CTR9: variants seen among roughly 807,000 people sequenced by gnomAD.
CTR9 encodes the protein CTR9 component of Paf1/RNA polymerase II complex, also known as RNA polymerase-associated protein CTR9 homolog.
CTR9 carries 41 observed loss-of-function variants against 152.1 expected under a neutral mutation model. That is an observed-to-expected ratio of 0.27 (90% CI 0.21 to 0.35). The LOEUF is 0.35. Ranked by LOEUF, CTR9 falls within the 10% of genes least tolerant of loss-of-function variation. The pLI is 1.00. For missense variants in CTR9, 917 were observed against 1,424.4 expected (o/e 0.64, Z 5.73); for synonymous variants, 476 against 496.2 (o/e 0.96, Z 0.54).
chr11:10,770,101 G>GT, intron 16 of CTR9, 109 bp from the exon 17 acceptor site: 1 of 689,846 alleles, frequency 1.4e-6, no homozygotes, highest in South Asian at 2.2e-5. Flanking sequence ...CATTCAAAGG[G>GT]TAAAACACCT....
intron 5 of CTR9, 54 bp from the exon 6 acceptor site, chr11:10,760,119 A>T: frequency 6.3e-7 from 1 of 1,590,178 alleles, no homozygotes; most frequent in Non-Finnish European, 8.6e-7. Flanking sequence ...CATTTTTGTA[A>T]TTGAACTCTA....
In CTR9 at chr11:10,755,127, A is replaced by G; in HGVS notation, c.314A>G (p.Asn105Ser). 1.2e-6 allele frequency: 2 copies of G among 1,614,026 alleles called. No individual in the cohort carries two copies. The stretch of plus-strand genomic sequence containing the variant: ...GCTCGGAAAGAAAAGAATAAGGACA[A>G]TAAAAAGGATCTTATTACACAGGCC... ...QQARKEKNKD[N>S]KKDLITQATL... is the part of the protein sequence containing the mutation. Residue 105 changes from asparagine to serine, a missense_variant, in exon 3 of 25, where the codon AAT becomes AGT. Transcript: ENST00000361367.
Position 10,763,714 on chromosome 11 carries a change from A to G in CTR9, c.1029A>G (p.Pro343=), listed in dbSNP as rs759360920. ...TQFASSSFVL[P]FFGLGQMYIY... ...TTGCCTCATCCTCTTTTGTGCTCCC[A>G]TTTTTTGGTTTGGGACAAATGTATA... is the stretch of plus-strand genomic sequence containing the variant. The change falls in exon 9 of 25, where the codon CCA becomes CCG. Residue 343 remains proline (P), a synonymous_variant. Transcript: ENST00000361367. 3 of 1,613,788 alleles carry G rather than the reference A, an allele frequency of 1.9e-6. No homozygotes were observed. Among genetic ancestry groups the G allele is most frequent in the African/African-American group, 2.7e-5 (2 of 74,846 alleles).
In CTR9 at chr11:10,766,436, G is replaced by A; in HGVS notation, c.1632G>A (p.Lys544=). 1 of 1,610,862 alleles carries A rather than the reference G, an allele frequency of 6.2e-7. No individual in the cohort carries two copies. Reference sequence around the variant, plus strand: ...GCCTAGGAGCCATGGCTAGAGATAAGGGAAACTTTTATGAGGCTTCAGATT... The same window carrying A: ...GCCTAGGAGCCATGGCTAGAGATAAAGGAAACTTTTATGAGGCTTCAGATT... The part of the protein sequence containing the change: ...YLRLGAMARD[K]GNFYEASDWF... The change falls in exon 13 of 25, where the codon AAG becomes AAA. Residue 544 remains lysine, a synonymous_variant. Transcript: ENST00000361367.
intron 24 of CTR9, among the ~76,000 whole-genome samples, chr11:10,778,334 G>C: frequency 6.6e-6 from 1 of 152,188 alleles, no homozygotes; most frequent in East Asian, 1.9e-4. Context: ...TGTGTACAGA[G>C]ATAAACAAAT....
intron 7 of CTR9, among the ~76,000 whole-genome samples, chr11:10,763,193 T>G (rs1863004601): frequency 6.9e-6 from 1 of 145,466 alleles, no homozygotes; most frequent in Admixed American, 6.7e-5. Context: ...GCACTGTGGT[T>G]AATAGTTATG....
At chr11:10,766,887 C>G (rs575885712) in intron 13 of CTR9, among the ~76,000 whole-genome samples, 2 of 152,280 alleles carry the variant, frequency 1.3e-5, no homozygotes, top group South Asian at 4.1e-4. Context: ...CTATGGTCAT[C>G]TAAACGTTTT....
rs1439886086 is a variant in CTR9 at position 10,755,329 on chromosome 11, AG to A, written c.384+134del. On this transcript the variant is annotated intron_variant, in intron 3 of 24. Transcript: ENST00000361367. ...TGGTTGATAGAGTCAAAAAGAAGAA[AG>A]GTTCCTCATTAAAATCGGAATGCTT... 3 of 1,098,922 alleles carry A rather than the reference AG, an allele frequency of 2.7e-6. 1 individual carries two copies. In the Admixed American group the frequency reaches 7.4e-5, roughly 27 times the overall value. The allele number at this position is 1,098,922 out of a possible 1,614,324, so 68.1% of individuals were successfully genotyped here. A position where few individuals can be genotyped will look rare whatever the true frequency, so the allele number is the denominator to read the frequency against.
At chr11:10,771,081 T>G (rs765780420) in intron 18 of CTR9, among the ~76,000 whole-genome samples, 1 of 152,236 alleles carries the variant, frequency 6.6e-6, no homozygotes, top group African/African-American at 2.4e-5. Flanking sequence ...AAATAATGCT[T>G]AATAGTTTTA....
intron 24 of CTR9, 39 bp from the exon 25 acceptor site, chr11:10,778,640 C>T (rs757215748): frequency 6.3e-7 from 1 of 1,577,622 alleles, no homozygotes; most frequent in Non-Finnish European, 8.6e-7. Flanking sequence ...CCCAGTTAGC[C>T]AGAATCCTCA....
At chr11:10,758,932 C>G (rs892477789) in intron 5 of CTR9, among the ~76,000 whole-genome samples, 1 of 152,184 alleles carries the variant, frequency 6.6e-6, no homozygotes, top group Non-Finnish European at 1.5e-5. Context: ...TTGGAAAATG[C>G]TGATATCATT....
chr11:10,775,338 G>A (rs1288519334), intron 23 of CTR9, 35 bp downstream of exon 23: 1 of 1,568,992 alleles, frequency 6.4e-7, no homozygotes. Flanking sequence ...CTGTCCCCTA[G>A]TAGATGTGAA....
chr11:10,766,143 T>C (rs930898303), intron 12 of CTR9, among the ~76,000 whole-genome samples: 1 of 152,228 alleles, frequency 6.6e-6, no homozygotes, highest in Non-Finnish European at 1.5e-5. Flanking sequence ...TAGCTTGAGA[T>C]AAGGACTTGG....
Position 10,767,670 on chromosome 11 carries a change from G to T in CTR9, c.1687-136G>T. 4.2e-6 allele frequency: 3 copies of T among 718,162 alleles called. No individual in the cohort carries two copies. The highest frequency in any genetic ancestry group is 6.7e-6 in the Non-Finnish European group (3 of 446,922). The allele number at this position is 718,162 out of a possible 1,614,324, so 44.5% of individuals were successfully genotyped here. ...TTGGATTGCCATGCAAAAAAAAAAAGAAAGAAAGAAAAGAAAGAAAACCAC... is the reference window on the plus strand; with the variant it reads ...TTGGATTGCCATGCAAAAAAAAAAATAAAGAAAGAAAAGAAAGAAAACCAC... On this transcript the variant is annotated intron_variant, in intron 13 of 24. Transcript: ENST00000361367. The surrounding 1 kb of genome is among the most constrained non-coding windows in gnomAD (Gnocchi z 4.0).
At position 10,764,447 on chromosome 11, in the gene CTR9, A is replaced by T; in HGVS notation, c.1413+11A>T. Reference sequence around the variant, plus strand: ...CTAGGGGAGGCTAAGGTAGGAAAATAGAAATATTTCCTTCTTTTATACTGA... The same window carrying T: ...CTAGGGGAGGCTAAGGTAGGAAAATTGAAATATTTCCTTCTTTTATACTGA... On this transcript the variant is annotated intron_variant, in intron 11 of 24. Transcript: ENST00000361367. The T allele has an allele frequency of 4.4e-6, 7 of 1,605,404 alleles. No homozygotes were observed. Among genetic ancestry groups the T allele is most frequent in the Non-Finnish European group, 5.1e-6 (6 of 1,177,608 alleles).
chr11:10,766,383 C>A lies in CTR9; in HGVS notation c.1598-19C>A. 1 of 1,578,456 alleles carries A rather than the reference C, an allele frequency of 6.3e-7. No individual in the cohort carries two copies. The highest frequency in any genetic ancestry group is 1.4e-5 in the African/African-American group (1 of 73,280). ...ATAGCTAATATTTGGGATATAAAAA[C>A]TTTTAAATATGTTTTCAGGCTATTT... On this transcript the variant is annotated intron_variant, in intron 12 of 24. Coordinates refer to ENST00000361367, the MANE Select transcript of CTR9 (RefSeq NM_014633.5).
intron 18 of CTR9, among the ~76,000 whole-genome samples, chr11:10,770,894 T>C (rs761829206): frequency 8.5e-5 from 13 of 152,236 alleles, no homozygotes; most frequent in Admixed American, 6.5e-5. Flanking sequence ...CCTCTAGAAC[T>C]GGCTGGCTAG....
At position 10,767,717 on chromosome 11, in the gene CTR9, C is replaced by A; in HGVS notation, c.1687-89C>A. The A allele has an allele frequency of 8.8e-7, 1 of 1,130,904 alleles. No individual in the cohort carries two copies. Among genetic ancestry groups the A allele is most frequent in the South Asian group, 1.5e-5 (1 of 68,804 alleles). The allele number at this position is 1,130,904 out of a possible 1,614,324, so 70.1% of individuals were successfully genotyped here. A position where few individuals can be genotyped will look rare whatever the true frequency, so the allele number is the denominator to read the frequency against. The stretch of plus-strand genomic sequence containing the variant: ...CCACTGTTGTAATATAGTTTGTAAA[C>A]CTCTTCAGTAATCAGCTATTGTGGG... On this transcript the variant is annotated intron_variant, in intron 13 of 24. Coordinates refer to ENST00000361367, the MANE Select transcript of CTR9 (RefSeq NM_014633.5). The surrounding 1 kb of genome is among the most constrained non-coding windows in gnomAD (Gnocchi z 4.0).
rs2135368218 is a variant in CTR9, at chr11:10,763,664, C to T, written c.979C>T (p.Gln327Ter). The change falls in exon 9 of 25, where the codon CAG (glutamine) becomes TAG (stop). Residue 327 changes from glutamine to a stop codon, truncating the protein, a stop_gained. Coordinates refer to ENST00000361367, the MANE Select transcript of CTR9 (RefSeq NM_014633.5). LOFTEE classifies it high-confidence loss of function. The part of the protein sequence containing the change: ...HVQEDYDQAF[Q>*]YYYQATQFAS... ...TTAGGAAGATTATGACCAAGCTTTT[C>T]AGTACTATTATCAAGCCACACAGTT... 6.2e-7 allele frequency: 1 copy of T among 1,608,288 alleles called. No homozygotes were observed. The highest frequency in any genetic ancestry group is 8.5e-7 in the Non-Finnish European group (1 of 1,178,614).
Sources: allele counts gnomAD v4.1 joint callset (sites outside exome capture counted in the v4.1 genomes callset), GRCh38; gene constraint gnomAD v4.1.1; non-coding constraint Gnocchi (gnomAD v3.1); transcripts MANE v1.5; gene names NCBI Gene and HGNC (gene_info 2026-07-23, HGNC 2026-07-21).